ZNF407: variants seen among roughly 807,000 people sequenced by gnomAD.
ZNF407 encodes zinc finger protein 407.
Under a neutral mutation model 131.2 loss-of-function variants are expected in ZNF407, and 17 were observed. The observed-to-expected ratio is 0.13, with a 90% CI of 0.09 to 0.19. The LOEUF (loss-of-function observed/expected upper bound fraction) is 0.19. Ranked by LOEUF, ZNF407 falls within the 10% of genes least tolerant of loss-of-function variation. The probability of loss-of-function intolerance (pLI) is 1.00; values close to 1 mark genes in which losing one functional copy is unlikely to be tolerated. For missense variants in ZNF407, 2,681 were observed against 2,830.6 expected (o/e 0.95, Z 1.20); for synonymous variants, 1,156 against 1,062.0 (o/e 1.09, Z -1.72).
At chr18:74,618,092 T>C (rs1983390632) in intron 1 of ZNF407, among the ~76,000 whole-genome samples, 1 of 152,344 alleles carries the variant, frequency 6.6e-6, no homozygotes, top group Admixed American at 6.5e-5. Flanking sequence ...AATGGTTTAA[T>C]GGGACCGCAT....
At chr18:74,893,489 G>T (rs1971414335) in intron 7 of ZNF407, among the ~76,000 whole-genome samples, 1 of 152,240 alleles carries the variant, frequency 6.6e-6, no homozygotes, top group African/African-American at 2.4e-5. Flanking sequence ...ATTTGCAAAA[G>T]TTTGAATACT....
At chr18:74,620,020 A>G (rs1400688623) in intron 1 of ZNF407, among the ~76,000 whole-genome samples, 1 of 69,828 alleles carries the variant, frequency 1.4e-5, no homozygotes, top group African/African-American at 3.7e-5. Flanking sequence ...TTCTATCCCA[A>G]TAATTAAAAA....
In ZNF407 at chr18:74,631,099, C is replaced by T; in HGVS notation, c.80C>T (p.Ser27Leu). ...GAAGCACAAGACTTGACAAAGCTTT[C>T]ATCCCATAATGAAGACGGTGGGCCT... ...NKEAQDLTKL[S>L]SHNEDGGPVS... Residue 27 changes from serine to leucine, a missense_variant, in exon 2 of 9, where the codon TCA (serine) becomes TTA (leucine). Coordinates refer to ENST00000299687, the MANE Select transcript of ZNF407 (RefSeq NM_017757.3). The T allele has an allele frequency of 1.2e-6, 2 of 1,613,814 alleles. No homozygotes were observed. Among genetic ancestry groups the T allele is most frequent in the East Asian group, 4.5e-5 (2 of 44,876 alleles).
chr18:74,650,717 G>C (rs1213177980), intron 3 of ZNF407, among the ~76,000 whole-genome samples: 3 of 152,070 alleles, frequency 2.0e-5, no homozygotes, highest in African/African-American at 7.2e-5. Context: ...TGGAAGGGGT[G>C]GGCCACGGGA....
chr18:74,700,883 A>G (rs1454627413), intron 3 of ZNF407, among the ~76,000 whole-genome samples: 2 of 152,158 alleles, frequency 1.3e-5, no homozygotes, highest in Non-Finnish European at 2.9e-5. Flanking sequence ...TTCCGGTGGT[A>G]CCAGACATTT....
At chr18:75,036,718 A>AT (rs981317331) in intron 8 of ZNF407, among the ~76,000 whole-genome samples, 1 of 152,230 alleles carries the variant, frequency 6.6e-6, no homozygotes, top group South Asian at 2.1e-4. Flanking sequence ...ATTAGCTGGT[A>AT]TTTTAACTTA....
At chr18:74,841,218 T>C (rs1299998468) in intron 4 of ZNF407, among the ~76,000 whole-genome samples, 4 of 152,222 alleles carry the variant, frequency 2.6e-5, no homozygotes, top group African/African-American at 4.8e-5. Flanking sequence ...TAAGGAATTT[T>C]GTGAACTGGT....
At chr18:75,043,010 C>G (rs1207405651) in intron 8 of ZNF407, among the ~76,000 whole-genome samples, 4 of 152,138 alleles carry the variant, frequency 2.6e-5, no homozygotes, top group African/African-American at 2.4e-5. Context: ...CAATGTTTGG[C>G]AACAGGTCTT....
chr18:75,034,089 T>C (rs1973276760), intron 8 of ZNF407, among the ~76,000 whole-genome samples: 1 of 152,188 alleles, frequency 6.6e-6, no homozygotes, highest in Admixed American at 6.5e-5. Flanking sequence ...TTGTGCATCA[T>C]GAAACCAAGC....
intron 3 of ZNF407, among the ~76,000 whole-genome samples, chr18:74,673,458 C>T (rs578099967): frequency 6.6e-6 from 1 of 152,280 alleles, no homozygotes; most frequent in South Asian, 2.1e-4. Context: ...TCATAAGGAC[C>T]CTTGTGATTA....
intron 8 of ZNF407, among the ~76,000 whole-genome samples, chr18:74,963,648 T>C (rs1404464247): frequency 2.0e-5 from 3 of 152,246 alleles, no homozygotes; most frequent in East Asian, 3.8e-4. Flanking sequence ...AAATGTTCAT[T>C]GAAAGCAAAT....
chr18:74,944,517 A>G (rs1395371195), intron 8 of ZNF407, among the ~76,000 whole-genome samples: 1 of 152,194 alleles, frequency 6.6e-6, no homozygotes, highest in Non-Finnish European at 1.5e-5. Flanking sequence ...TTTAAATGAC[A>G]GATGTTTAAC....
chr18:74,793,822 T>G (rs1290597598), intron 4 of ZNF407, among the ~76,000 whole-genome samples: 1 of 152,150 alleles, frequency 6.6e-6, no homozygotes, highest in East Asian at 1.9e-4. Flanking sequence ...AGGAAAGACC[T>G]TCTTAGAGGA....
At chr18:75,015,274 C>T (rs1187966181) in intron 8 of ZNF407, among the ~76,000 whole-genome samples, 5 of 151,724 alleles carry the variant, frequency 3.3e-5, no homozygotes, top group Non-Finnish European at 7.4e-5. Flanking sequence ...AAGTCTGTAC[C>T]ATGTGTAAAA....
intron 4 of ZNF407, among the ~76,000 whole-genome samples, chr18:74,793,992 A>C (rs562500355): frequency 3.3e-5 from 5 of 152,330 alleles, no homozygotes; most frequent in South Asian, 4.1e-4. Flanking sequence ...TGAGAAAGAA[A>C]TGTTGATTAG....
chr18:74,806,985 C>A (rs971276900), intron 4 of ZNF407, among the ~76,000 whole-genome samples: 8 of 152,162 alleles, frequency 5.3e-5, no homozygotes, highest in African/African-American at 1.9e-4. Context: ...ATAGAGCTTA[C>A]ATTGTTATGG....
intron 4 of ZNF407, among the ~76,000 whole-genome samples, chr18:74,819,368 C>T (rs1242748642): frequency 1.3e-5 from 2 of 152,040 alleles, no homozygotes; most frequent in Non-Finnish European, 2.9e-5. Flanking sequence ...TCTTTAAATA[C>T]AGAATGTATA....
chr18:74,811,514 C>T (rs1444569069), intron 4 of ZNF407, among the ~76,000 whole-genome samples: 2 of 152,076 alleles, frequency 1.3e-5, no homozygotes, highest in Non-Finnish European at 2.9e-5. Context: ...CCCAGCCATC[C>T]CATTACTGGG....
chr18:74,632,233 C>T lies in ZNF407; in HGVS notation c.1214C>T (p.Ala405Val). The change falls in exon 2 of 9, where the codon GCA becomes GTA. Residue 405 changes from alanine to valine, a missense_variant. Transcript: ENST00000299687. ...LESTKNTLQA[A>V]HGNSVTSRPR... ...TCTACAAAAAATACCCTTCAGGCAGCACACGGTAACAGTGTAACCTCGAGG... is the reference window on the plus strand; with the variant it reads ...TCTACAAAAAATACCCTTCAGGCAGTACACGGTAACAGTGTAACCTCGAGG... The T allele has an allele frequency of 6.2e-7, 1 of 1,613,940 alleles. No individual in the cohort carries two copies. Among genetic ancestry groups the T allele is most frequent in the Admixed American group, 1.7e-5 (1 of 60,026 alleles).
Sources: allele counts gnomAD v4.1 joint callset (sites outside exome capture counted in the v4.1 genomes callset), GRCh38; gene constraint gnomAD v4.1.1; transcripts MANE v1.5; gene names NCBI Gene and HGNC (gene_info 2026-07-23, HGNC 2026-07-21).